Variants in CYFIP1 observed in about 807,000 individuals in gnomAD.
CYFIP1 encodes the protein cytoplasmic FMR1-interacting protein 1.
Under a neutral mutation model 163.5 loss-of-function variants are expected in CYFIP1, and 58 were observed. That is an observed-to-expected ratio of 0.35 (90% confidence interval 0.29 to 0.44). The LOEUF (loss-of-function observed/expected upper bound fraction) is 0.44. Ranked by LOEUF, CYFIP1 falls within the 20% of genes least tolerant of loss-of-function variation. CYFIP1 has a pLI of 1.00. For missense variants in CYFIP1, 1,338 were observed against 1,653.8 expected (o/e 0.81, Z 3.31); for synonymous variants, 663 against 660.7 (o/e 1.00, Z -0.05).
chr15:22,917,677 A>C lies in CYFIP1; in HGVS notation c.1674+111T>G. The C allele has an allele frequency of 7.8e-7, 1 of 1,274,200 alleles. No individual in the cohort carries two copies. Among genetic ancestry groups the C allele is most frequent in the Non-Finnish European group, 1.1e-6 (1 of 950,678 alleles). The allele number at this position is 1,274,200 out of a possible 1,614,324, so 78.9% of individuals were successfully genotyped here. Reference sequence around the variant, plus strand: ...CCACAGGCGCCACTTTCTCTGCCTGAGCAGGCAGCGAGGACCTCATTTAAC... The same window carrying C: ...CCACAGGCGCCACTTTCTCTGCCTGCGCAGGCAGCGAGGACCTCATTTAAC... On this transcript the variant is annotated intron_variant, in intron 15 of 30. Coordinates refer to ENST00000617928, the MANE Select transcript of CYFIP1 (RefSeq NM_014608.6). The surrounding 1 kb of genome is among the most constrained non-coding windows in gnomAD (Gnocchi z 4.2).
At chr15:22,887,929 C>T (rs1315496421) in intron 23 of CYFIP1, among the ~76,000 whole-genome samples, 2 of 152,118 alleles carry the variant, frequency 1.3e-5, no homozygotes, top group Admixed American at 6.5e-5. Flanking sequence ...CACACAGAGC[C>T]GGCTCTGGAC....
intron 1 of CYFIP1, among the ~76,000 whole-genome samples, chr15:22,959,770 G>A (rs1023018932): frequency 4.6e-5 from 7 of 152,162 alleles, no homozygotes; most frequent in South Asian, 2.1e-4. Flanking sequence ...CGCCACGGGC[G>A]ATCGAGCCCC....
intron 1 of CYFIP1, among the ~76,000 whole-genome samples, chr15:22,968,219 G>C (rs890194772): frequency 1.3e-5 from 2 of 152,146 alleles, no homozygotes; most frequent in Non-Finnish European, 2.9e-5. Context: ...TTGCTTTTAT[G>C]TGTCAACTTG....
chr15:22,925,126 G>A (rs145280709), intron 13 of CYFIP1, among the ~76,000 whole-genome samples: 24 of 151,682 alleles, frequency 1.6e-4, no homozygotes, highest in Non-Finnish European at 2.9e-4. Flanking sequence ...AACACTGAGG[G>A]CCAACTGTAT....
chr15:22,916,763 G>A (rs770667156), intron 15 of CYFIP1, 133 bp from the exon 16 acceptor site: 42 of 1,605,238 alleles, frequency 2.6e-5, no homozygotes, highest in African/African-American at 8.0e-5. Context: ...CCAGCTCCCC[G>A]AGGGGTCCGG....
At chr15:22,965,328 G>A (rs578005075) in intron 1 of CYFIP1, among the ~76,000 whole-genome samples, 2 of 152,294 alleles carry the variant, frequency 1.3e-5, no homozygotes, top group South Asian at 2.1e-4. Flanking sequence ...GTGTGGTGGC[G>A]TACGCCTGTA....
intron 22 of CYFIP1, among the ~76,000 whole-genome samples, chr15:22,902,584 A>G (rs936481755): frequency 6.6e-6 from 1 of 152,252 alleles, no homozygotes; most frequent in African/African-American, 2.4e-5. Context: ...TCTTTTAAAA[A>G]TGTTGAGGAA....
chr15:22,942,413 C>A (rs2061917466), intron 6 of CYFIP1, among the ~76,000 whole-genome samples: 1 of 151,800 alleles, frequency 6.6e-6, no homozygotes, highest in African/African-American at 2.4e-5. Context: ...TGAAGCAGAG[C>A]AAGAGCATCA....
chr15:22,918,621 C>T, intron 14 of CYFIP1, 71 bp downstream of exon 14: 1 of 1,352,716 alleles, frequency 7.4e-7, no homozygotes, highest in Non-Finnish European at 1.0e-6. Context: ...ATTTAACGCT[C>T]CTGTTGTTTG....
intron 1 of CYFIP1, among the ~76,000 whole-genome samples, chr15:22,955,165 A>T (rs1019358475): frequency 9.9e-5 from 15 of 152,108 alleles, no homozygotes; most frequent in African/African-American, 3.6e-4. Flanking sequence ...CCTTTCTTCC[A>T]CATGTCACTG....
At position 22,888,656 on chromosome 15, in the gene CYFIP1, T is replaced by TGGGAGGCGGAG. The variant is rs372152214; in HGVS notation, c.2676+4223_2676+4233dup. On this transcript the variant is annotated intron_variant, in intron 23 of 30. Transcript: ENST00000617928. Reference sequence around the variant, plus strand: ...CTGAGGCAGGAGGATTGCTTGAGCCTGGGAGGCGGAGGTTTCAGTGAACTG... The same window carrying TGGGAGGCGGAG: ...CTGAGGCAGGAGGATTGCTTGAGCCTGGGAGGCGGAGGGGAGGCGGAGGTTTCAGTGAACTG... Among the ~76,000 whole-genome samples, 390 of 150,162 alleles carry TGGGAGGCGGAG rather than the reference T, an allele frequency of 2.6e-3. 1 individual carries two copies. Among genetic ancestry groups the TGGGAGGCGGAG allele is most frequent in the African/African-American group, 9.3e-3 (380 of 40,744 alleles).
At chr15:22,879,376 C>T (rs954625051) in intron 26 of CYFIP1, among the ~76,000 whole-genome samples, 1 of 152,162 alleles carries the variant, frequency 6.6e-6, no homozygotes, top group Non-Finnish European at 1.5e-5. Context: ...AAAAGGCGGC[C>T]AGTCGAAAAC....
chr15:22,897,500 G>GT (rs1409779894), intron 22 of CYFIP1, among the ~76,000 whole-genome samples: 1 of 148,886 alleles, frequency 6.7e-6, no homozygotes, highest in African/African-American at 2.5e-5. Flanking sequence ...TGTTTGTGTT[G>GT]TTTTTTAAAG....
At chr15:22,886,633 A>G (rs7176628) in intron 23 of CYFIP1, among the ~76,000 whole-genome samples, 132,794 of 152,130 alleles carry the variant, frequency 0.87, 58,292 homozygotes, top group African/African-American at 0.95. Flanking sequence ...AGTTCATTGT[A>G]GTTGGAGAAC....
At chr15:22,903,652 A>G in intron 22 of CYFIP1, 54 bp downstream of exon 22, 1 of 1,583,830 alleles carries the variant, frequency 6.3e-7, no homozygotes, top group Non-Finnish European at 8.7e-7. Context: ...GCCTGCGGGG[A>G]CATGGGTCCC....
At chr15:22,922,959 T>A (rs879351366) in intron 13 of CYFIP1, among the ~76,000 whole-genome samples, 44 of 150,094 alleles carry the variant, frequency 2.9e-4, no homozygotes, top group Non-Finnish European at 5.8e-4. Flanking sequence ...GCCACTGCAC[T>A]CCAGCCTGGG....
At chr15:22,957,353 T>C (rs1239862874) in intron 1 of CYFIP1, among the ~76,000 whole-genome samples, 2 of 135,758 alleles carry the variant, frequency 1.5e-5, no homozygotes, top group South Asian at 4.7e-4. Context: ...ATACAAAAAA[T>C]TGGCCGGGCG....
At chr15:22,971,869 T>C (rs1337278516) in intron 1 of CYFIP1, among the ~76,000 whole-genome samples, 1 of 151,392 alleles carries the variant, frequency 6.6e-6, no homozygotes, top group Non-Finnish European at 1.5e-5. Flanking sequence ...GTAACTCATC[T>C]CAAAAAATAA....
Position 22,868,931 on chromosome 15 carries a change from A to C in CYFIP1, c.*1097T>G, listed in dbSNP as rs995347327. On this transcript the variant is annotated 3_prime_UTR_variant, in exon 31 of 31. Transcript: ENST00000617928. ...ATAAACAGGCATAGCATCTTTTTCC[A>C]TTCAGTTAGTTAGGATTTTCAGAAC... 5.6e-5 allele frequency: 3 copies of C among 53,684 alleles called. No individual in the cohort carries two copies. Among genetic ancestry groups the C allele is most frequent in the African/African-American group, 3.2e-4 (3 of 9,256 alleles). 3.3% of individuals were successfully genotyped at this position (53,684 alleles called of 1,614,324 possible). A position where few individuals can be genotyped will look rare whatever the true frequency, so the allele number is the denominator to read the frequency against.
Sources: gnomAD v4.1 joint callset for allele counts (sites outside exome capture counted in the v4.1 genomes callset) on GRCh38, gnomAD v4.1.1 for gene constraint, Gnocchi (gnomAD v3.1) non-coding constraint, MANE v1.5 for transcripts, NCBI Gene and HGNC (gene_info 2026-07-23, HGNC 2026-07-21) for gene names.